RHBDF2: variants seen among roughly 807,000 people sequenced by gnomAD.
RHBDF2 encodes the protein rhomboid 5 homolog 2.
Under a neutral mutation model 95.2 loss-of-function variants are expected in RHBDF2, and 38 were observed. That is an observed-to-expected ratio of 0.40 (90% CI 0.31 to 0.52). RHBDF2 has a LOEUF of 0.52. Ranked by LOEUF, RHBDF2 falls within the 20% of genes least tolerant of loss-of-function variation. The probability of loss-of-function intolerance (pLI) is 0.56; values close to 1 mark genes in which losing one functional copy is unlikely to be tolerated. For missense variants in RHBDF2, 863 were observed against 1,137.7 expected, an observed-to-expected ratio of 0.76 and a Z score of 3.47; for synonymous variants, 442 against 462.0, an observed-to-expected ratio of 0.96 and a Z score of 0.55.
In RHBDF2 at chr17:76,473,710, T is replaced by A; in HGVS notation, c.1671A>T (p.Thr557=). ...TCTCGCAGTCCATGTGCAGGAAGCCTGTGTGGTTGCTCCTGGCCTGCTCTG... is the reference window on the plus strand; with the variant it reads ...TCTCGCAGTCCATGTGCAGGAAGCCAGTGTGGTTGCTCCTGGCCTGCTCTG... The part of the protein sequence containing the change: ...ICTEQARSNH[T]GFLHMDCEIK... The change falls in exon 15 of 19, where the codon ACA becomes ACT. Residue 557 remains threonine (T), a synonymous_variant. Coordinates refer to ENST00000675367, the MANE Select transcript of RHBDF2 (RefSeq NM_001005498.4). The A allele has an allele frequency of 6.2e-7, 1 of 1,612,366 alleles. No homozygotes were observed. The highest frequency in any genetic ancestry group is 8.5e-7 in the Non-Finnish European group (1 of 1,179,402).
At chr17:76,493,733 C>T (rs1462310040) in intron 1 of RHBDF2, among the ~76,000 whole-genome samples, 2 of 152,218 alleles carry the variant, frequency 1.3e-5, no homozygotes, top group South Asian at 2.1e-4. Context: ...GGCGCAGACA[C>T]GATCTCAACC....
rs973239492 is a variant in RHBDF2 at position 76,475,131 on chromosome 17, T to C, written c.1126A>G (p.Thr376Ala). Residue 376 changes from threonine to alanine, a missense_variant, in exon 10 of 19, where the codon ACC becomes GCC. Transcript: ENST00000675367. ...ESFDSHRPYF[T>A]YWLTFVHVII... ...ACATGGACGAAGGTCAGCCAGTAGG[T>C]GAAGTAGGGCCTGTGCAGAGACACC... is the stretch of plus-strand genomic sequence containing the variant. The C allele has an allele frequency of 6.3e-7, 1 of 1,592,722 alleles. No individual in the cohort carries two copies. The highest frequency in any genetic ancestry group is 8.5e-7 in the Non-Finnish European group (1 of 1,170,500).
At chr17:76,486,077 TACACACACACACACAC>T (rs57942849) in intron 2 of RHBDF2, among the ~76,000 whole-genome samples, 19,790 of 144,848 alleles carry the variant, frequency 0.14, 1,505 homozygotes, top group South Asian at 0.22. Context: ...TATATATATG[TACACACACACACACAC>T]ACACACACAC....
At chr17:76,484,293 C>A (rs1485040018) in intron 2 of RHBDF2, among the ~76,000 whole-genome samples, 2 of 151,932 alleles carry the variant, frequency 1.3e-5, no homozygotes, top group Non-Finnish European at 2.9e-5. Context: ...AAAATAAACC[C>A]CCCCAGCTGT....
At chr17:76,481,091 A>C (rs150571208) in intron 3 of RHBDF2, among the ~76,000 whole-genome samples, 320 of 152,232 alleles carry the variant, frequency 2.1e-3, no homozygotes, top group African/African-American at 6.8e-3. Context: ...TAGGGGGTGA[A>C]ATGAGAACAG....
chr17:76,494,194 A>G (rs962763384), intron 1 of RHBDF2, among the ~76,000 whole-genome samples: 1 of 152,182 alleles, frequency 6.6e-6, no homozygotes, highest in Non-Finnish European at 1.5e-5. Context: ...TGCACCAACC[A>G]TCTGGGCTTT....
rs1315609118 is a variant in RHBDF2, at chr17:76,477,201, G to C, written c.899C>G (p.Pro300Arg). Residue 300 changes from proline (P) to arginine (R), a missense_variant, in exon 8 of 19, where the codon CCC becomes CGC. By Grantham distance (103) the Pro-to-Arg change is moderately radical. Coordinates refer to ENST00000675367, the MANE Select transcript of RHBDF2 (RefSeq NM_001005498.4). Reference protein sequence around the residue: ...GIPHSASPVSPDGVQIPLKEY... With the variant: ...GIPHSASPVSRDGVQIPLKEY... ...TCACAGAGGGATTTGCACCCCATCG[G>C]GGGAGACAGGGGAGGCTGAGTGTGG... 6.2e-7 allele frequency: 1 copy of C among 1,610,646 alleles called. No homozygotes were observed. The highest frequency in any genetic ancestry group is 1.7e-5 in the Admixed American group (1 of 58,882).
At chr17:76,473,358 C>G in intron 15 of RHBDF2, 31 bp from the exon 16 acceptor site, 1 of 1,583,076 alleles carries the variant, frequency 6.3e-7, no homozygotes, top group Non-Finnish European at 8.6e-7. Context: ...GAGGGGACAT[C>G]AGGGCGCCGA....
At chr17:76,475,227 A>C in intron 9 of RHBDF2, 86 bp from the exon 10 acceptor site, 1 of 932,972 alleles carries the variant, frequency 1.1e-6, no homozygotes, top group Non-Finnish European at 1.7e-6. Flanking sequence ...GCCTGGTCAC[A>C]TGGCTCGCCT....
intron 9 of RHBDF2, chr17:76,475,912 C>CT (rs202104520): frequency 3.6e-4 from 52 of 145,800 alleles, no homozygotes; most frequent in East Asian, 1.6e-3. Context: ...TCTTTTCTTT[C>CT]TTTTTTTTTT....
Position 76,473,301 on chromosome 17 carries a change from C to T in RHBDF2, c.1760G>A (p.Cys587Tyr), listed in dbSNP as rs1391604178. The stretch of plus-strand genomic sequence containing the variant: ...ATGGAAATAGCCGTGCATGAACTCA[C>T]AGTATTCCCGGGTGGTGATCTCACA... ...GSCEITTREYCEFMHGYFHEE... is the reference protein window; with the variant it reads ...GSCEITTREYYEFMHGYFHEE... The change falls in exon 16 of 19, where the codon TGT becomes TAT. Residue 587 changes from cysteine to tyrosine, a missense_variant. Cys to Tyr is a radical substitution (Grantham distance 194). This residue lies in a region of RHBDF2 where 252 missense variants were observed against 412.2 expected (regional missense o/e 0.61). Coordinates refer to ENST00000675367, the MANE Select transcript of RHBDF2 (RefSeq NM_001005498.4). The T allele has an allele frequency of 6.2e-7, 1 of 1,612,764 alleles. No individual in the cohort carries two copies. The highest frequency in any genetic ancestry group is 1.3e-5 in the African/African-American group (1 of 74,928).
At chr17:76,497,495 C>G (rs1011749681) in intron 1 of RHBDF2, among the ~76,000 whole-genome samples, 4 of 152,248 alleles carry the variant, frequency 2.6e-5, no homozygotes, top group African/African-American at 9.6e-5. Flanking sequence ...GCTCCATATG[C>G]GTGTTCCCAT....
At chr17:76,479,879 G>C (rs1399641371) in intron 3 of RHBDF2, 25 bp from the exon 4 acceptor site, 3 of 1,611,162 alleles carry the variant, frequency 1.9e-6, no homozygotes, top group East Asian at 2.2e-5. Context: ...AGGGAGGGCA[G>C]GCGGTGGTGT....
intron 2 of RHBDF2, among the ~76,000 whole-genome samples, chr17:76,484,657 C>A (rs2074070134): frequency 6.6e-6 from 1 of 152,122 alleles, no homozygotes; most frequent in South Asian, 2.1e-4. Context: ...TGCTTCCCTG[C>A]TCAACTCTCT....
intron 12 of RHBDF2, 44 bp downstream of exon 12, chr17:76,474,329 G>C (rs200699585): frequency 1.3e-6 from 2 of 1,595,858 alleles, no homozygotes; most frequent in Admixed American, 3.3e-5. Context: ...GAGCTAGTCC[G>C]GGACCAGGGT....
intron 15 of RHBDF2, 136 bp from the exon 16 acceptor site, chr17:76,473,463 T>C (rs911964247): frequency 5.1e-6 from 5 of 978,076 alleles, no homozygotes; most frequent in African/African-American, 3.2e-5. Context: ...CCTTCGACTC[T>C]GGAGCAAGCT....
chr17:76,475,568 T>C (rs1267479677), intron 9 of RHBDF2, among the ~76,000 whole-genome samples: 1 of 151,990 alleles, frequency 6.6e-6, no homozygotes, highest in Non-Finnish European at 1.5e-5. Flanking sequence ...ACACCTATCA[T>C]TGCTTGTTCT....
At chr17:76,473,425 G>T in intron 15 of RHBDF2, 98 bp from the exon 16 acceptor site, 1 of 1,165,864 alleles carries the variant, frequency 8.6e-7, no homozygotes, top group Non-Finnish European at 1.3e-6. Context: ...AGGCATCGCT[G>T]GCAGGAAGGG....
intron 1 of RHBDF2, among the ~76,000 whole-genome samples, chr17:76,494,050 C>T (rs1451365276): frequency 3.3e-5 from 5 of 152,226 alleles, no homozygotes; most frequent in African/African-American, 4.8e-5. Context: ...ACCACAGACA[C>T]GGGAAGCGGG....
Sources: allele counts gnomAD v4.1 joint callset (sites outside exome capture counted in the v4.1 genomes callset), GRCh38; gene constraint gnomAD v4.1.1; regional missense constraint gnomAD v4.1.1; transcripts MANE v1.5; gene names NCBI Gene and HGNC (gene_info 2026-07-23, HGNC 2026-07-21).